Variants in SLC15A3 observed in about 807,000 individuals in gnomAD.
SLC15A3 encodes solute carrier family 15 member 3, also known as osteoclast transporter.
A neutral mutation model predicts 49.2 loss-of-function variants in SLC15A3; 39 were observed. The ratio of observed to expected loss-of-function variants is 0.79; its 90% CI spans 0.61 to 1.04. SLC15A3 has a LOEUF of 1.04. SLC15A3 is among the 50% of genes least tolerant of loss of function. SLC15A3 has a pLI of 0.00. For missense variants in SLC15A3, 758 were observed against 794.8 expected (o/e 0.95, Z 0.56); for synonymous variants, 339 against 367.0 (o/e 0.92, Z 0.87).
chr11:60,947,991 TA>T, intron 1 of SLC15A3, among the ~76,000 whole-genome samples: 2 of 152,346 alleles, frequency 1.3e-5, no homozygotes, highest in East Asian at 3.9e-4. Context: ...TCTACATTGC[TA>T]AACCAGTCAC....
Position 60,939,657 on chromosome 11 carries a change from G to A in SLC15A3, c.1277-19C>T, listed in dbSNP as rs1856682291. The A allele has an allele frequency of 1.2e-6, 2 of 1,613,008 alleles. No individual in the cohort carries two copies. The highest frequency in any genetic ancestry group is 2.2e-5 in the South Asian group (2 of 90,992). ...AGGACTCCTGGTGGAGGAGCAGAGG[G>A]GGATTATAGTCAGGCCCACCCCAGG... On this transcript the variant is annotated intron_variant, in intron 5 of 7. Coordinates refer to ENST00000227880, the MANE Select transcript of SLC15A3 (RefSeq NM_016582.3).
chr11:60,938,952 C>A (rs1856667865), intron 6 of SLC15A3, among the ~76,000 whole-genome samples: 1 of 152,110 alleles, frequency 6.6e-6, no homozygotes, highest in Non-Finnish European at 1.5e-5. Context: ...TTTTTGCTGA[C>A]TGAAGGGCCT....
intron 3 of SLC15A3, chr11:60,942,375 C>G (rs939622064): frequency 1.7e-5 from 8 of 468,918 alleles, no homozygotes; most frequent in African/African-American, 3.9e-5. Context: ...CAGCCTTATC[C>G]CAGAGCCCAG....
chr11:60,939,471 C>T lies in SLC15A3; in HGVS notation c.1435+9G>A, dbSNP rs367669928. 1.2e-5 allele frequency: 19 copies of T among 1,613,368 alleles called. No individual in the cohort carries two copies. In the African/African-American group the frequency reaches 2.5e-4, roughly 22 times the overall value. Reference sequence around the variant, plus strand: ...CTGGTGCAGGAGCAGGGGAGGGGATCCAGGGTACCTGGGATGCTGGCAAAG... The same window carrying T: ...CTGGTGCAGGAGCAGGGGAGGGGATTCAGGGTACCTGGGATGCTGGCAAAG... On this transcript the variant is annotated intron_variant, in intron 6 of 7. Coordinates refer to ENST00000227880, the MANE Select transcript of SLC15A3 (RefSeq NM_016582.3).
intron 2 of SLC15A3, among the ~76,000 whole-genome samples, chr11:60,945,918 A>T (rs1199601842): frequency 1.3e-5 from 2 of 152,228 alleles, no homozygotes; most frequent in Non-Finnish European, 2.9e-5. Context: ...TCTTCAGTGT[A>T]GATACCAACA....
At position 60,951,524 on chromosome 11, in the gene SLC15A3, G is replaced by A; in HGVS notation, c.28C>T (p.Pro10Ser). The A allele has an allele frequency of 8.4e-7, 1 of 1,183,828 alleles. No homozygotes were observed. The highest frequency in any genetic ancestry group is 1.0e-6 in the Non-Finnish European group (1 of 954,830). The allele number at this position is 1,183,828 out of a possible 1,614,324, so 73.3% of individuals were successfully genotyped here. ...GGCTGGCGCTCCCCGGGCACGCGGG[G>A]CTGCTCCCGGGCGCGCGGCGCGGGC... MPAPRAREQ[P>S]RVPGERQPLL... is the part of the protein sequence containing the mutation. The change falls in exon 1 of 8, where the codon CCC (proline) becomes TCC (serine). Residue 10 changes from proline (P) to serine (S), a missense_variant. Physicochemically the swap from Pro to Ser is moderately conservative, Grantham distance 74 (BLOSUM62 -1). Transcript: ENST00000227880.
At chr11:60,939,387 C>G in intron 6 of SLC15A3, 93 bp downstream of exon 6, 1 of 1,482,326 alleles carries the variant, frequency 6.7e-7, no homozygotes, top group Non-Finnish European at 9.3e-7. Context: ...GCAGATGGGC[C>G]CTGGGGGCTG....
intron 1 of SLC15A3, among the ~76,000 whole-genome samples, chr11:60,949,704 G>T (rs527534264): frequency 6.6e-6 from 1 of 152,216 alleles, no homozygotes; most frequent in Non-Finnish European, 1.5e-5. Flanking sequence ...TGGATGAAAC[G>T]ATCCTTTTGA....
Position 60,946,648 on chromosome 11 carries a change from G to A in SLC15A3, c.732C>T (p.Phe244=), listed in dbSNP as rs201878544. ...VGCVGLAFFI[F]LFATPVFITK... is the part of the protein sequence containing the mutation. ...TGATGAAGACGGGGGTGGCAAAGAGGAAGATGAAAAATGCCAGGCCCACAC... is the reference window on the plus strand; with the variant it reads ...TGATGAAGACGGGGGTGGCAAAGAGAAAGATGAAAAATGCCAGGCCCACAC... Residue 244 remains phenylalanine, a synonymous_variant, in exon 2 of 8, where the codon TTC becomes TTT. Coordinates refer to ENST00000227880, the MANE Select transcript of SLC15A3 (RefSeq NM_016582.3). 55 of 1,614,132 alleles carry A rather than the reference G, an allele frequency of 3.4e-5. No individual in the cohort carries two copies. Among genetic ancestry groups the A allele is most frequent in the Middle Eastern group, 3.3e-4 (2 of 6,060 alleles).
chr11:60,944,547 T>G (rs1856773419), intron 2 of SLC15A3, among the ~76,000 whole-genome samples: 1 of 151,972 alleles, frequency 6.6e-6, no homozygotes, highest in South Asian at 2.1e-4. Context: ...CCCCTCTGAG[T>G]CCTGAGGGAA....
chr11:60,937,277 T>C lies in SLC15A3; in HGVS notation c.1688A>G (p.Tyr563Cys), dbSNP rs779649951. 6.2e-7 allele frequency: 1 copy of C among 1,613,978 alleles called. No homozygotes were observed. Among genetic ancestry groups the C allele is most frequent in the African/African-American group, 1.3e-5 (1 of 74,924 alleles). Residue 563 changes from tyrosine (Y) to cysteine (C), a missense_variant, in exon 8 of 8, where the codon TAT becomes TGT. Tyr to Cys is a radical substitution (Grantham distance 194). Transcript: ENST00000227880. ...ALLFVWIAGR[Y>C]ERASQGPASH... ...GGCTGGGCCCTGGGACGCCCTCTCA[T>C]AGCGTCCAGCGATCCAGACAAATAG...
chr11:60,943,353 C>T (rs1373699764), intron 3 of SLC15A3: 1 of 173,512 alleles, frequency 5.8e-6, no homozygotes. Context: ...TCGTTTAAGC[C>T]ACCCATTGTA....
rs759219243 is a variant in SLC15A3, at chr11:60,951,005, C to T, written c.547G>A (p.Gly183Ser). 2 of 1,481,362 alleles carry T rather than the reference C, an allele frequency of 1.4e-6. No individual in the cohort carries two copies. Among genetic ancestry groups the T allele is most frequent in the South Asian group, 1.3e-5 (1 of 76,994 alleles). The allele number at this position is 1,481,362 out of a possible 1,614,324, so 91.8% of individuals were successfully genotyped here. A position where few individuals can be genotyped will look rare whatever the true frequency, so the allele number is the denominator to read the frequency against. The change falls in exon 1 of 8, where the codon GGT becomes AGT. Residue 183 changes from glycine to serine, a missense_variant. Physicochemically the swap from Gly to Ser is moderately conservative, Grantham distance 56. This residue lies in a region of SLC15A3 where 699 missense variants were observed against 706.7 expected (regional missense o/e 0.99). Transcript: ENST00000227880. ...CTCCTGCCACTCACCTGGTCGGCAC[C>T]GAAGGAGGTGAGGTTGCTCCGGACG... ...SSVRSNLTSF[G>S]ADQVMDLGRD...
In SLC15A3 at chr11:60,951,034, C is replaced by T; in HGVS notation, c.518G>A (p.Ser173Asn). ...AGLLLLGLAA[S>N]SVRSNLTSFG... ...GGAGGTGAGGTTGCTCCGGACGGAG[C>T]TGGCGGCCAGGCCGAGTAGCAGCAG... Residue 173 changes from serine to asparagine, a missense_variant, in exon 1 of 8, where the codon AGC becomes AAC. By Grantham distance (46) the Ser-to-Asn change is conservative. This residue lies in a region of SLC15A3 where 699 missense variants were observed against 706.7 expected (regional missense o/e 0.99). Transcript: ENST00000227880. The T allele has an allele frequency of 6.7e-7, 1 of 1,497,386 alleles. No homozygotes were observed. Among genetic ancestry groups the T allele is most frequent in the Admixed American group, 2.2e-5 (1 of 45,126 alleles). 92.8% of individuals were successfully genotyped at this position (1,497,386 alleles called of 1,614,324 possible). A position where few individuals can be genotyped will look rare whatever the true frequency, so the allele number is the denominator to read the frequency against.
Position 60,951,129 on chromosome 11 carries a change from A to G in SLC15A3, c.423T>C (p.Pro141=). 1 of 1,485,288 alleles carries G rather than the reference A, an allele frequency of 6.7e-7. No individual in the cohort carries two copies. The highest frequency in any genetic ancestry group is 8.9e-7 in the Non-Finnish European group (1 of 1,127,040). The allele number at this position is 1,485,288 out of a possible 1,614,324, so 92.0% of individuals were successfully genotyped here. ...CGEMPASPLG[P]ACPSAGCPRS... ...GCGGGCAGCCGGCCGAGGGGCAGGC[A>G]GGTCCCAGCGGCGACGCGGGCATCT... is the stretch of plus-strand genomic sequence containing the variant. Residue 141 remains proline, a synonymous_variant, in exon 1 of 8, where the codon CCT becomes CCC. Transcript: ENST00000227880.
At position 60,943,747 on chromosome 11, in the gene SLC15A3, A is replaced by C; in HGVS notation, c.938T>G (p.Leu313Arg). 1.2e-5 allele frequency: 20 copies of C among 1,605,900 alleles called. No homozygotes were observed. Among genetic ancestry groups the C allele is most frequent in the Non-Finnish European group, 1.6e-5 (19 of 1,175,858 alleles). The change falls in exon 3 of 8, where the codon CTG becomes CGG. Residue 313 changes from leucine to arginine, a missense_variant. Around this residue, in one of 3 missense-constraint regions of SLC15A3, gnomAD observed 699 missense variants for 706.7 expected, o/e 0.99. Coordinates refer to ENST00000227880, the MANE Select transcript of SLC15A3 (RefSeq NM_016582.3). ...PQEDIANFQV[L>R]VKILPVMVTL... Reference sequence around the variant, plus strand: ...CACCATGACGGGCAAGATCTTCACCAGCACCTGGAAGTTGGCGATGTCCTC... The same window carrying C: ...CACCATGACGGGCAAGATCTTCACCCGCACCTGGAAGTTGGCGATGTCCTC...
intron 1 of SLC15A3, among the ~76,000 whole-genome samples, chr11:60,947,985 C>G (rs1856828686): frequency 6.6e-6 from 1 of 152,214 alleles, no homozygotes; most frequent in South Asian, 2.1e-4. Context: ...TACTTCTCTA[C>G]ATTGCTAAAC....
chr11:60,937,879 T>TGGGGC lies in SLC15A3; in HGVS notation c.1577_1581dup (p.Lys528AlafsTer88), dbSNP rs1856645017. On this transcript the variant is annotated frameshift_variant, in exon 7 of 8. Transcript: ENST00000227880. LOFTEE classifies it low-confidence loss of function (END_TRUNC). ...GAGGCCCCATACTCACCAAAGTCCTTGGGGCAGTGCAGCCAGCCCCCGGGC... is the reference window on the plus strand; with the variant it reads ...GAGGCCCCATACTCACCAAAGTCCTTGGGGCGGGGCAGTGCAGCCAGCCCCCGGGC... 1 of 1,613,924 alleles carries TGGGGC rather than the reference T, an allele frequency of 6.2e-7. No individual in the cohort carries two copies. The highest frequency in any genetic ancestry group is 8.5e-7 in the Non-Finnish European group (1 of 1,179,934).
At position 60,951,177 on chromosome 11, in the gene SLC15A3, G is replaced by A; in HGVS notation, c.375C>T (p.Asp125=). The change falls in exon 1 of 8, where the codon GAC becomes GAT. Residue 125 remains aspartate (D), a synonymous_variant. Transcript: ENST00000227880. ...SGLLPATAFP[D]GRSSFCGEMP... ...TCTCTCCGCAGAAGGAGCTGCGGCCGTCGGGGAAGGCGGTGGCGGGCAGCA... is the reference window on the plus strand; with the variant it reads ...TCTCTCCGCAGAAGGAGCTGCGGCCATCGGGGAAGGCGGTGGCGGGCAGCA... The A allele has an allele frequency of 6.7e-7, 1 of 1,495,748 alleles. No homozygotes were observed. Among genetic ancestry groups the A allele is most frequent in the Non-Finnish European group, 8.8e-7 (1 of 1,130,708 alleles). The allele number at this position is 1,495,748 out of a possible 1,614,324, so 92.7% of individuals were successfully genotyped here.
Sources: gnomAD v4.1 joint callset for allele counts (sites outside exome capture counted in the v4.1 genomes callset) on GRCh38, gnomAD v4.1.1 for gene constraint, gnomAD v4.1.1 regional missense constraint, MANE v1.5 for transcripts, NCBI Gene and HGNC (gene_info 2026-07-23, HGNC 2026-07-21) for gene names.